Variants in TBL1X observed in about 807,000 individuals in gnomAD.
TBL1X encodes transducin beta like 1 X-linked.
TBL1X carries 10 observed loss-of-function variants against 50.7 expected under a neutral mutation model. The ratio of observed to expected loss-of-function variants is 0.20; its 90% CI spans 0.12 to 0.33. The LOEUF (loss-of-function observed/expected upper bound fraction) is 0.33. TBL1X is among the 10% of genes least tolerant of loss of function. The pLI, the probability that TBL1X is intolerant of heterozygous loss-of-function variation, is 1.00. For missense variants in TBL1X, 340 were observed against 504.4 expected (o/e 0.67, Z 3.12); for synonymous variants, 190 against 214.7 (o/e 0.88, Z 1.01).
At chrX:9,492,880 T>TAG (rs775929282) in intron 1 of TBL1X, among the ~76,000 whole-genome samples, 5 of 55,548 alleles carry the variant, frequency 9.0e-5, no homozygotes, top group Non-Finnish European at 1.3e-4. Flanking sequence ...TGTGTGTGTG[T>TAG]GTGTGTGTGT....
chrX:9,559,904 C>G (rs1400326491), intron 2 of TBL1X, among the ~76,000 whole-genome samples: 1 of 112,236 alleles, frequency 8.9e-6, no homozygotes, highest in Non-Finnish European at 1.9e-5. Flanking sequence ...ATATCTGCAG[C>G]CTTTTTTGTC....
intron 2 of TBL1X, among the ~76,000 whole-genome samples, chrX:9,506,703 C>T (rs768146228): frequency 1.8e-5 from 2 of 111,710 alleles, no homozygotes; most frequent in Non-Finnish European, 3.8e-5. Flanking sequence ...TGAATAAATT[C>T]CTGCACGCAT....
intron 2 of TBL1X, among the ~76,000 whole-genome samples, chrX:9,510,932 GTCCATCCA>G (rs958598599): frequency 1.8e-5 from 2 of 111,293 alleles, no homozygotes; most frequent in Admixed American, 1.9e-4. Context: ...CCATCTGTCC[GTCCATCCA>G]TCCATCCATC....
chrX:9,693,169 T>C lies in TBL1X; in HGVS notation c.912T>C (p.Ala304=), dbSNP rs775959924. The change falls in exon 10 of 18, where the codon GCT becomes GCC. Residue 304 remains alanine, a synonymous_variant. Coordinates refer to ENST00000645353, the MANE Select transcript of TBL1X (RefSeq NM_005647.4). The part of the protein sequence containing the change: ...LDWNTNGTLL[A]TGSYDGFARI... ...CTCAGACCAATGGAACACTCTTGGC[T>C]ACGGGTTCATATGACGGTTTTGCAA... 3.3e-6 allele frequency: 4 copies of C among 1,209,782 alleles called. No individual in the cohort carries two copies. Among genetic ancestry groups the C allele is most frequent in the Non-Finnish European group, 1.1e-6 (1 of 895,209 alleles).
At chrX:9,655,180 A>G (rs1026604303) in intron 5 of TBL1X, among the ~76,000 whole-genome samples, 2 of 111,214 alleles carry the variant, frequency 1.8e-5, no homozygotes, top group East Asian at 5.6e-4. Flanking sequence ...TAGGGCTGCT[A>G]TAATGACGTA....
chrX:9,508,922 C>T (rs1601722327), intron 2 of TBL1X, among the ~76,000 whole-genome samples: 1 of 109,354 alleles, frequency 9.1e-6, no homozygotes, highest in East Asian at 2.9e-4. Context: ...ACAACACACA[C>T]CAGGGCCTGT....
At chrX:9,509,835 C>T (rs1379248542) in intron 2 of TBL1X, among the ~76,000 whole-genome samples, 1 of 110,692 alleles carries the variant, frequency 9.0e-6, no homozygotes, top group Non-Finnish European at 1.9e-5. Context: ...TAATGGCGTG[C>T]ATTTTCTGAG....
chrX:9,676,802 A>C (rs909175127), intron 5 of TBL1X, among the ~76,000 whole-genome samples: 5 of 112,144 alleles, frequency 4.5e-5, no homozygotes, highest in African/African-American at 1.6e-4. Flanking sequence ...GTTCAGTGAT[A>C]TAGACTGCAA....
At chrX:9,646,160 G>A (rs774197136) in intron 3 of TBL1X, among the ~76,000 whole-genome samples, 2 of 112,632 alleles carry the variant, frequency 1.8e-5, no homozygotes, top group South Asian at 3.7e-4. Context: ...AATCCATGCC[G>A]TGTATTGGTT....
chrX:9,709,988 G>A (rs2083235253), intron 15 of TBL1X, among the ~76,000 whole-genome samples: 1 of 112,099 alleles, frequency 8.9e-6, no homozygotes, highest in Non-Finnish European at 1.9e-5. Flanking sequence ...ACCCTGGGAG[G>A]CCAAGGCAGG....
chrX:9,493,254 A>G lies in TBL1X; in HGVS notation c.-200-8526A>G, dbSNP rs1335207085. ...AGTCCCTTGGAAGATTGTCTCATTC[A>G]TCAAGAGGGAGAGGATTCTGATTTT... On this transcript the variant is annotated intron_variant, in intron 1 of 17. Coordinates refer to ENST00000645353, the MANE Select transcript of TBL1X (RefSeq NM_005647.4). 2.7e-5 allele frequency among the ~76,000 whole-genome samples: 3 copies of G among 111,769 alleles called. No homozygotes were observed. In the East Asian group the frequency reaches 8.5e-4, roughly 32 times the overall value.
intron 2 of TBL1X, among the ~76,000 whole-genome samples, chrX:9,593,230 C>T (rs2082510509): frequency 9.2e-6 from 1 of 109,044 alleles, no homozygotes; most frequent in East Asian, 2.9e-4. Flanking sequence ...GTTGAAACTC[C>T]GTCTCTACTA....
At chrX:9,465,044 T>A (rs1391186027), upstream of TBL1X, 1 of 107,976 alleles carries the variant, frequency 9.3e-6, no homozygotes, top group East Asian at 3.1e-4. Flanking sequence ...GCGGTCCTCC[T>A]GGCTGGGGTC....
At chrX:9,623,090 G>C (rs183270213) in intron 2 of TBL1X, among the ~76,000 whole-genome samples, 1 of 111,312 alleles carries the variant, frequency 9.0e-6, no homozygotes, top group Non-Finnish European at 1.9e-5. Context: ...TGTGAGATGT[G>C]ATAAAGGTAG....
chrX:9,622,090 A>AT (rs112829952), intron 2 of TBL1X, among the ~76,000 whole-genome samples: 110 of 104,933 alleles, frequency 1.0e-3, no homozygotes, highest in South Asian at 2.8e-3. Context: ...GATATTTCTG[A>AT]TTTTTTTTTT....
chrX:9,601,481 G>T (rs2082556449), intron 2 of TBL1X, among the ~76,000 whole-genome samples: 1 of 111,847 alleles, frequency 8.9e-6, no homozygotes, highest in African/African-American at 3.3e-5. Flanking sequence ...CACTGAGGCA[G>T]ACCTCTTTAC....
rs760006928 is a variant in TBL1X at position 9,688,202 on chromosome X, C to T, written c.543C>T (p.Gly181=). Residue 181 remains glycine (G), a synonymous_variant, in exon 7 of 18, where the codon GGC becomes GGT. Transcript: ENST00000645353. ...CAGCAGCCACCACGACCTCAGCCGG[C>T]GTTTCCCACCAAAATCCATCGAAGA... ...AATAATTTSA[G]VSHQNPSKNR... 4 of 1,197,230 alleles carry T rather than the reference C, an allele frequency of 3.3e-6. No individual in the cohort carries two copies. The South Asian group carries it at 5.5e-5, about 16-fold the overall frequency.
At chrX:9,614,930 A>G (rs897685905) in intron 2 of TBL1X, among the ~76,000 whole-genome samples, 2 of 111,907 alleles carry the variant, frequency 1.8e-5, no homozygotes, top group African/African-American at 6.5e-5. Context: ...TAAATTTACA[A>G]AATGGTACTG....
intron 5 of TBL1X, among the ~76,000 whole-genome samples, chrX:9,681,318 G>A (rs2083024010): frequency 8.9e-6 from 1 of 112,021 alleles, no homozygotes; most frequent in Non-Finnish European, 1.9e-5. Flanking sequence ...GGGTCTTGGA[G>A]TGTAAAGTAA....
Sources: allele counts gnomAD v4.1 joint callset (sites outside exome capture counted in the v4.1 genomes callset), GRCh38; gene constraint gnomAD v4.1.1; transcripts MANE v1.5; gene names NCBI Gene and HGNC (gene_info 2026-07-23, HGNC 2026-07-21).